SMIM14: variants seen among roughly 807,000 people sequenced by gnomAD.
SMIM14 encodes small integral membrane protein 14.
SMIM14 carries 5 observed loss-of-function variants against 12.6 expected under a neutral mutation model. The observed-to-expected ratio is 0.40, with a 90% CI of 0.21 to 0.83. SMIM14 has a LOEUF of 0.83. Ranked by LOEUF, SMIM14 falls within the 40% of genes least tolerant of loss-of-function variation. The pLI, the probability that SMIM14 is intolerant of heterozygous loss-of-function variation, is 0.37. For missense variants in SMIM14, 86 were observed against 119.1 expected (o/e 0.72, Z 1.29); for synonymous variants, 30 against 40.1 (o/e 0.75, Z 0.95).
At chr4:39,568,492 T>C (rs1350971194) in intron 3 of SMIM14, among the ~76,000 whole-genome samples, 3 of 151,924 alleles carry the variant, frequency 2.0e-5, no homozygotes, top group Non-Finnish European at 4.4e-5. Flanking sequence ...ATGGAATATA[T>C]ACAAAATACA....
At chr4:39,597,738 T>G (rs1714431899) in intron 2 of SMIM14, among the ~76,000 whole-genome samples, 2 of 152,208 alleles carry the variant, frequency 1.3e-5, no homozygotes, top group South Asian at 4.1e-4. Flanking sequence ...ATTTTTCCTA[T>G]TAGTAAGTAT....
At chr4:39,635,871 T>C (rs1716066987) in intron 1 of SMIM14, among the ~76,000 whole-genome samples, 1 of 151,876 alleles carries the variant, frequency 6.6e-6, no homozygotes, top group Non-Finnish European at 1.5e-5. Flanking sequence ...CAAGACTCAA[T>C]GCATATTAAG....
In SMIM14 at chr4:39,574,242, T is replaced by C. The variant is rs868641445; in HGVS notation, c.76-1779A>G. On this transcript the variant is annotated intron_variant, in intron 2 of 4. Coordinates refer to ENST00000295958, the MANE Select transcript of SMIM14 (RefSeq NM_174921.3). ...AAGTCTGGTTCTGCAACTTTCTTTT[T>C]TTTTTTTTTTTTTTTCTTTTCTCTT... is the stretch of plus-strand genomic sequence containing the variant. Among the ~76,000 whole-genome samples the C allele has an allele frequency of 5.8e-3, 841 of 144,100 alleles. 10 individuals are homozygous for C. Among genetic ancestry groups the C allele is most frequent in the African/African-American group, 0.022 (776 of 35,578 alleles). The allele number at this position is 144,100 out of a possible 152,430, so 94.5% of individuals were successfully genotyped here.
chr4:39,629,649 A>AT (rs1245050574), intron 1 of SMIM14, among the ~76,000 whole-genome samples: 1 of 151,826 alleles, frequency 6.6e-6, no homozygotes, highest in Non-Finnish European at 1.5e-5. Flanking sequence ...TTGTTTTGAG[A>AT]TAGGGTCTCT....
chr4:39,631,411 C>G (rs142671807), intron 1 of SMIM14, among the ~76,000 whole-genome samples: 12 of 151,248 alleles, frequency 7.9e-5, no homozygotes, highest in African/African-American at 2.9e-4. Flanking sequence ...ATAATCCCAG[C>G]ACTTTGGGAG....
chr4:39,586,737 T>A (rs1008088876), intron 2 of SMIM14, among the ~76,000 whole-genome samples: 1 of 152,140 alleles, frequency 6.6e-6, no homozygotes, highest in Non-Finnish European at 1.5e-5. Context: ...GTATTTGTTA[T>A]AGTAGCATCC....
intron 2 of SMIM14, among the ~76,000 whole-genome samples, chr4:39,574,802 A>C (rs967224962): frequency 2.0e-5 from 3 of 152,188 alleles, no homozygotes; most frequent in Admixed American, 6.5e-5. Context: ...TTATTCTCTA[A>C]GATGATCAGG....
intron 4 of SMIM14, among the ~76,000 whole-genome samples, chr4:39,553,372 G>A (rs1289785801): frequency 1.3e-5 from 2 of 151,278 alleles, no homozygotes; most frequent in Non-Finnish European, 3.0e-5. Context: ...CCACTGTAAT[G>A]ATTTCTAAGT....
At chr4:39,588,163 A>G (rs1456255444) in intron 2 of SMIM14, 1 of 152,222 alleles carries the variant, frequency 6.6e-6, no homozygotes, top group Admixed American at 6.5e-5. Context: ...TTCCAGACAC[A>G]GTCTGTCAGC....
At chr4:39,590,309 A>C (rs1031535706) in intron 2 of SMIM14, among the ~76,000 whole-genome samples, 1 of 151,378 alleles carries the variant, frequency 6.6e-6, no homozygotes, top group Non-Finnish European at 1.5e-5. Flanking sequence ...GCTACTCAGG[A>C]GGCTGAGGCA....
Position 39,618,671 on chromosome 4 carries a change from A to C in SMIM14, c.-35-13491T>G, listed in dbSNP as rs952082548. Among the ~76,000 whole-genome samples the C allele has an allele frequency of 7.3e-5, 11 of 151,632 alleles. No homozygotes were observed. In the East Asian group the frequency reaches 1.2e-3, roughly 16 times the overall value. On this transcript the variant is annotated intron_variant, in intron 1 of 4. Coordinates refer to ENST00000295958, the MANE Select transcript of SMIM14 (RefSeq NM_174921.3). The stretch of plus-strand genomic sequence containing the variant: ...TCTCAAAAAAAAAAAAAAACAAAAA[A>C]AAAAAACCAAAGCCCAGTGTAATGA...
chr4:39,590,369 C>A (rs990092658), intron 2 of SMIM14, among the ~76,000 whole-genome samples: 1 of 150,686 alleles, frequency 6.6e-6, no homozygotes, highest in Non-Finnish European at 1.5e-5. Context: ...CCCGAGAATG[C>A]GCCATTGCAC....
intron 1 of SMIM14, among the ~76,000 whole-genome samples, chr4:39,608,244 G>C (rs1336636876): frequency 1.3e-5 from 2 of 152,202 alleles, no homozygotes; most frequent in Non-Finnish European, 2.9e-5. Flanking sequence ...AGGCTGAGGT[G>C]GGAGGATCAC....
chr4:39,572,537 G>T, intron 2 of SMIM14, 74 bp from the exon 3 acceptor site: 1 of 1,331,824 alleles, frequency 7.5e-7, no homozygotes, highest in Non-Finnish European at 1.1e-6. Context: ...GAAAGATCAT[G>T]TTTTGGCCGG....
At chr4:39,628,725 T>C (rs1267883417) in intron 1 of SMIM14, among the ~76,000 whole-genome samples, 3 of 150,758 alleles carry the variant, frequency 2.0e-5, no homozygotes, top group Non-Finnish European at 3.0e-5. Context: ...TTTTTCTTTT[T>C]TTTTTTTTTT....
intron 2 of SMIM14, 99 bp from the exon 3 acceptor site, chr4:39,572,562 G>A (rs772222692): frequency 5.2e-5 from 49 of 949,456 alleles, no homozygotes; most frequent in Non-Finnish European, 7.0e-5. Flanking sequence ...GGTGGCTCAC[G>A]CCTGTAATCC....
At chr4:39,598,166 C>A (rs1380476206) in intron 2 of SMIM14, among the ~76,000 whole-genome samples, 2 of 152,290 alleles carry the variant, frequency 1.3e-5, no homozygotes, top group South Asian at 2.1e-4. Context: ...AAGCCAGTTA[C>A]CTTATACTGC....
intron 2 of SMIM14, among the ~76,000 whole-genome samples, chr4:39,583,524 C>T (rs1272223981): frequency 6.6e-6 from 1 of 151,906 alleles, no homozygotes; most frequent in African/African-American, 2.4e-5. Context: ...TAGAAGGAGC[C>T]CAACATGGAA....
rs1053725579 is a variant in SMIM14 at position 39,570,530 on chromosome 4, A to G, written c.124+1885T>C. ...AAGAAAAAATTATTTGTCCTCCCCA[A>G]CATATGCACACAAAGAATGTTTATT... On this transcript the variant is annotated intron_variant, in intron 3 of 4. Transcript: ENST00000295958. Among the ~76,000 whole-genome samples, 11 of 152,320 alleles carry G rather than the reference A, an allele frequency of 7.2e-5. 1 individual carries two copies. In the South Asian group the frequency reaches 2.3e-3, roughly 32 times the overall value.
Sources: gnomAD v4.1 joint callset for allele counts (sites outside exome capture counted in the v4.1 genomes callset) on GRCh38, gnomAD v4.1.1 for gene constraint, MANE v1.5 for transcripts, NCBI Gene and HGNC (gene_info 2026-07-23, HGNC 2026-07-21) for gene names.